GALNTL6: variants seen among roughly 807,000 people sequenced by gnomAD.
GALNTL6 encodes the protein polypeptide N-acetylgalactosaminyltransferase-like 6.
A neutral mutation model predicts 73.7 loss-of-function variants in GALNTL6; 46 were observed. The observed-to-expected ratio is 0.62, with a 90% CI of 0.49 to 0.80. GALNTL6 has a LOEUF of 0.80. Ranked by LOEUF, GALNTL6 falls within the 30% of genes least tolerant of loss-of-function variation. The pLI is 0.00. For missense variants in GALNTL6, 604 were observed against 755.0 expected (o/e 0.80, Z 2.34); for synonymous variants, 259 against 263.7 (o/e 0.98, Z 0.17).
At chr4:172,856,793 C>G (rs80044631) in intron 7 of GALNTL6, among the ~76,000 whole-genome samples, 215 of 152,304 alleles carry the variant, frequency 1.4e-3, no homozygotes, top group African/African-American at 4.5e-3. Context: ...TTTTAAGAAA[C>G]CACTTTCACA....
chr4:171,970,793 G>A (rs1156679144), intron 2 of GALNTL6, among the ~76,000 whole-genome samples: 1 of 152,088 alleles, frequency 6.6e-6, no homozygotes, highest in African/African-American at 2.4e-5. Flanking sequence ...CTTTAAAAAA[G>A]ATAAATATGG....
At chr4:172,374,301 G>C (rs998295817) in intron 5 of GALNTL6, among the ~76,000 whole-genome samples, 2 of 152,146 alleles carry the variant, frequency 1.3e-5, no homozygotes, top group South Asian at 2.1e-4. Context: ...TTTTGGGCCT[G>C]TTCCTCTTGG....
Position 173,041,229 on chromosome 4 carries a change from T to C in GALNTL6, c.*1129T>C, listed in dbSNP as rs1411160891. The C allele has an allele frequency of 6.6e-6, 1 of 151,682 alleles. No individual in the cohort carries two copies. Among genetic ancestry groups the C allele is most frequent in the Non-Finnish European group, 1.5e-5 (1 of 67,914 alleles). The allele number at this position is 151,682 out of a possible 1,614,324, so 9.4% of individuals were successfully genotyped here. ...TTTTTTTTTTGTAGTGTTGAATTAA[T>C]GATGTTCTTTTATTTGGAAGCTCAT... is the stretch of plus-strand genomic sequence containing the variant. On this transcript the variant is annotated 3_prime_UTR_variant, in exon 13 of 13. Coordinates refer to ENST00000506823, the MANE Select transcript of GALNTL6 (RefSeq NM_001034845.3).
At chr4:172,315,569 T>TA (rs1740515445) in intron 4 of GALNTL6, among the ~76,000 whole-genome samples, 1 of 152,230 alleles carries the variant, frequency 6.6e-6, no homozygotes, top group African/African-American at 2.4e-5. Context: ...TTTTTATATA[T>TA]TTTTTGAGCA....
chr4:172,331,207 TTAA>T (rs938044460), intron 4 of GALNTL6, among the ~76,000 whole-genome samples: 1 of 151,862 alleles, frequency 6.6e-6, no homozygotes, highest in Non-Finnish European at 1.5e-5. Flanking sequence ...ATCAGAACAC[TTAA>T]TATGTGTGTA....
chr4:172,965,452 A>G (rs547239101), intron 10 of GALNTL6, among the ~76,000 whole-genome samples: 75 of 152,034 alleles, frequency 4.9e-4, no homozygotes, highest in Admixed American at 8.5e-4. Context: ...GCGTGGTGGC[A>G]GGCGCCTGTA....
chr4:171,894,280 C>T (rs1168144458), intron 2 of GALNTL6, among the ~76,000 whole-genome samples: 2 of 152,062 alleles, frequency 1.3e-5, no homozygotes, highest in African/African-American at 2.4e-5. Context: ...TGACAAACAA[C>T]CCATGTAGAG....
intron 2 of GALNTL6, among the ~76,000 whole-genome samples, chr4:171,996,444 T>A (rs1254608048): frequency 6.6e-6 from 1 of 152,044 alleles, no homozygotes; most frequent in African/African-American, 2.4e-5. Context: ...ATACCTCCAA[T>A]CAACTACTAT....
At chr4:172,115,347 A>G (rs1348339146) in intron 2 of GALNTL6, among the ~76,000 whole-genome samples, 1 of 152,144 alleles carries the variant, frequency 6.6e-6, no homozygotes, top group African/African-American at 2.4e-5. Flanking sequence ...ATAGAGCAAA[A>G]AGTTATTGAA....
chr4:172,271,689 A>T (rs187559726), intron 3 of GALNTL6, among the ~76,000 whole-genome samples: 18 of 152,162 alleles, frequency 1.2e-4, no homozygotes, highest in Admixed American at 1.0e-3. Flanking sequence ...CATTATGCAT[A>T]CACATGAAAT....
intron 3 of GALNTL6, among the ~76,000 whole-genome samples, chr4:172,300,270 A>G (rs987062120): frequency 4.6e-5 from 7 of 152,014 alleles, no homozygotes; most frequent in African/African-American, 1.7e-4. Context: ...GTGTCTCTGC[A>G]TGTGAGATGG....
chr4:172,459,026 G>A (rs779785097), intron 5 of GALNTL6, among the ~76,000 whole-genome samples: 10 of 152,032 alleles, frequency 6.6e-5, no homozygotes, highest in South Asian at 2.1e-4. Context: ...GGATTAAGTC[G>A]GCTTCATCCC....
At chr4:172,980,161 C>G (rs1425127705) in intron 10 of GALNTL6, among the ~76,000 whole-genome samples, 1 of 152,190 alleles carries the variant, frequency 6.6e-6, no homozygotes, top group Non-Finnish European at 1.5e-5. Flanking sequence ...ATGTGATCTG[C>G]TAGTCCCCAT....
chr4:172,640,444 T>G (rs934526687), intron 5 of GALNTL6, among the ~76,000 whole-genome samples: 3 of 152,146 alleles, frequency 2.0e-5, no homozygotes, highest in African/African-American at 4.8e-5. Context: ...TTAGTCGGCT[T>G]GGGCTGCCAT....
intron 5 of GALNTL6, among the ~76,000 whole-genome samples, chr4:172,661,647 C>G (rs1035367052): frequency 1.3e-5 from 2 of 152,168 alleles, no homozygotes; most frequent in Non-Finnish European, 2.9e-5. Context: ...ATATATTCAA[C>G]AAATAATGGA....
chr4:172,555,434 T>C (rs1472155756), intron 5 of GALNTL6, among the ~76,000 whole-genome samples: 2 of 152,080 alleles, frequency 1.3e-5, no homozygotes, highest in Non-Finnish European at 2.9e-5. Context: ...TCTAATACAA[T>C]TGTTATCTCA....
Position 172,809,597 on chromosome 4 carries a change from C to A in GALNTL6, c.739+51C>A. 7.0e-7 allele frequency: 1 copy of A among 1,437,654 alleles called. No individual in the cohort carries two copies. Among genetic ancestry groups the A allele is most frequent in the Non-Finnish European group, 9.5e-7 (1 of 1,057,522 alleles). The allele number at this position is 1,437,654 out of a possible 1,614,324, so 89.1% of individuals were successfully genotyped here. A position where few individuals can be genotyped will look rare whatever the true frequency, so the allele number is the denominator to read the frequency against. On this transcript the variant is annotated intron_variant, in intron 6 of 12. Coordinates refer to ENST00000506823, the MANE Select transcript of GALNTL6 (RefSeq NM_001034845.3). The surrounding 1 kb of genome is among the most constrained non-coding windows in gnomAD (Gnocchi z 4.4). Reference sequence around the variant, plus strand: ...CCTGGGATGCCTCAGGGGAACTGAGCGGTTTGCTTCTATTTAGTTTGCAAT... The same window carrying A: ...CCTGGGATGCCTCAGGGGAACTGAGAGGTTTGCTTCTATTTAGTTTGCAAT...
intron 5 of GALNTL6, among the ~76,000 whole-genome samples, chr4:172,381,919 A>T (rs1036699455): frequency 2.0e-5 from 3 of 152,222 alleles, no homozygotes; most frequent in Admixed American, 1.3e-4. Flanking sequence ...TTCATTTTAA[A>T]ACCAGAAATT....
intron 5 of GALNTL6, among the ~76,000 whole-genome samples, chr4:172,700,144 A>T (rs1234600300): frequency 6.6e-6 from 1 of 152,226 alleles, no homozygotes; most frequent in Non-Finnish European, 1.5e-5. Context: ...TATTAAAATC[A>T]TAACCTTGTA....
Sources: allele counts gnomAD v4.1 joint callset (sites outside exome capture counted in the v4.1 genomes callset), GRCh38; gene constraint gnomAD v4.1.1; non-coding constraint Gnocchi (gnomAD v3.1); transcripts MANE v1.5; gene names NCBI Gene and HGNC (gene_info 2026-07-23, HGNC 2026-07-21).